Variants in IGF2R observed in about 807,000 individuals in gnomAD.
IGF2R encodes cation-independent mannose-6-phosphate receptor.
In IGF2R, 91 loss-of-function variants were observed where a neutral mutation model predicts 270.6. The observed-to-expected ratio is 0.34, with a 90% CI of 0.28 to 0.40. The LOEUF (loss-of-function observed/expected upper bound fraction) is 0.40. IGF2R is among the 10% of genes least tolerant of loss of function. The pLI is 1.00. For missense variants in IGF2R, 2,805 were observed against 3,188.3 expected, an observed-to-expected ratio of 0.88 and a Z score of 2.90; for synonymous variants, 1,316 against 1,258.9, an observed-to-expected ratio of 1.05 and a Z score of -0.96.
intron 1 of IGF2R, among the ~76,000 whole-genome samples, chr6:159,971,159 G>A (rs1197811485): frequency 6.6e-6 from 1 of 152,208 alleles, no homozygotes; most frequent in Non-Finnish European, 1.5e-5. Flanking sequence ...TTAACAAATT[G>A]AAGTTTGTTT....
intron 2 of IGF2R, chr6:160,006,212 C>CT (rs201252942): frequency 0.021 from 3,251 of 156,916 alleles, 68 homozygotes; most frequent in Non-Finnish European, 0.033. Context: ...CGCCTCCCCC[C>CT]TCGCGCCTCC....
At chr6:160,090,581 G>A (rs1255860663) in intron 44 of IGF2R, among the ~76,000 whole-genome samples, 1 of 152,210 alleles carries the variant, frequency 6.6e-6, no homozygotes, top group Non-Finnish European at 1.5e-5. Context: ...TGTGAAGGAA[G>A]GTTTTAAACT....
At chr6:159,988,808 C>T (rs1783931316) in intron 1 of IGF2R, among the ~76,000 whole-genome samples, 1 of 152,040 alleles carries the variant, frequency 6.6e-6, no homozygotes, top group African/African-American at 2.4e-5. Context: ...ATATACACTC[C>T]GAGAGGGCAG....
At chr6:160,058,816 C>T (rs1174500727) in intron 21 of IGF2R, 90 bp from the exon 22 acceptor site, 1 of 1,115,634 alleles carries the variant, frequency 9.0e-7, no homozygotes, top group Non-Finnish European at 1.3e-6. Context: ...AATGTTTAAC[C>T]TAGTGGGATT....
intron 1 of IGF2R, among the ~76,000 whole-genome samples, chr6:159,981,028 C>G (rs1257996472): frequency 6.6e-6 from 1 of 152,210 alleles, no homozygotes; most frequent in Admixed American, 6.5e-5. Context: ...CCAAGGATAG[C>G]AGAGAGGACC....
intron 45 of IGF2R, among the ~76,000 whole-genome samples, chr6:160,100,686 C>G (rs547928540): frequency 5.6e-4 from 69 of 122,136 alleles, no homozygotes; most frequent in African/African-American, 1.8e-3. Flanking sequence ...AAAACTTTAG[C>G]AAAAATTAAC....
rs62440100 is a variant in IGF2R at position 159,980,124 on chromosome 6, T to C, written c.149+10729T>C. On this transcript the variant is annotated intron_variant, in intron 1 of 47. Transcript: ENST00000356956. The stretch of plus-strand genomic sequence containing the variant: ...TGAACCCGGGAGGCGGAGCTTGCAG[T>C]GAGCTGAGATCGCACCGCTGCACTC... Among the ~76,000 whole-genome samples the C allele has an allele frequency of 1.9e-3, 287 of 150,900 alleles. 2 individuals are homozygous for C. Among genetic ancestry groups the C allele is most frequent in the Non-Finnish European group, 3.2e-3 (215 of 67,790 alleles).
intron 14 of IGF2R, among the ~76,000 whole-genome samples, chr6:160,046,176 A>C (rs1201607509): frequency 6.6e-6 from 1 of 152,142 alleles, no homozygotes; most frequent in Non-Finnish European, 1.5e-5. Flanking sequence ...TCTGAGGGAG[A>C]CCTTACAAGA....
chr6:160,005,533 C>T (rs1784207465), intron 2 of IGF2R: 1 of 152,280 alleles, frequency 6.6e-6, no homozygotes, highest in Non-Finnish European at 1.5e-5. Context: ...GGCCGTGCGG[C>T]TGGGTCACTC....
intron 1 of IGF2R, among the ~76,000 whole-genome samples, chr6:159,986,507 A>G (rs1783889949): frequency 6.7e-6 from 1 of 149,444 alleles, no homozygotes; most frequent in Non-Finnish European, 1.5e-5. Context: ...ACCTCAAGTG[A>G]TCCTCCCACC....
intron 2 of IGF2R, among the ~76,000 whole-genome samples, chr6:159,993,985 A>ATTGT (rs1784015548): frequency 3.3e-5 from 2 of 61,024 alleles, no homozygotes; most frequent in Non-Finnish European, 6.2e-5. Flanking sequence ...CTCCAACTTG[A>ATTGT]TTTTTTTTTT....
intron 4 of IGF2R, among the ~76,000 whole-genome samples, chr6:160,011,995 GT>G (rs1158185429): frequency 6.6e-6 from 1 of 152,040 alleles, no homozygotes; most frequent in Admixed American, 6.5e-5. Context: ...AAAAAGAAAT[GT>G]TTATTTAAAA....
rs1291163481 is a variant in IGF2R at position 160,102,156 on chromosome 6, TGTG to T, written c.6843-359_6843-357del. On this transcript the variant is annotated intron_variant, in intron 45 of 47. Transcript: ENST00000356956. This position sits in a 1 kb window ranked among gnomAD's most constrained non-coding sequence, Gnocchi z 4.5. The stretch of plus-strand genomic sequence containing the variant: ...AAAGAGCTCTGACCCTGGAGAGAAG[TGTG>T]GTGCTTCGGGACAGCCTCTGCCCCA... Among the ~76,000 whole-genome samples the T allele has an allele frequency of 2.0e-5, 3 of 152,194 alleles. No homozygotes were observed. Among genetic ancestry groups the T allele is most frequent in the Admixed American group, 6.5e-5 (1 of 15,290 alleles).
chr6:160,013,950 GA>G (rs574369203), intron 4 of IGF2R, among the ~76,000 whole-genome samples: 54 of 151,854 alleles, frequency 3.6e-4, no homozygotes, highest in African/African-American at 1.2e-3. Context: ...ATTCCCTAAA[GA>G]AAAAAAATCT....
chr6:159,973,875 A>G (rs975223506), intron 1 of IGF2R, among the ~76,000 whole-genome samples: 1 of 152,164 alleles, frequency 6.6e-6, no homozygotes, highest in Non-Finnish European at 1.5e-5. Context: ...TGTATTGGGG[A>G]AAGAACTGAG....
At chr6:160,063,755 A>G in intron 27 of IGF2R, 125 bp downstream of exon 27, 1 of 678,484 alleles carries the variant, frequency 1.5e-6, no homozygotes, top group Non-Finnish European at 2.5e-6. Context: ...AAAAAAAAAA[A>G]GCATATTAAT....
intron 1 of IGF2R, among the ~76,000 whole-genome samples, chr6:159,988,101 G>C (rs1022012519): frequency 6.6e-6 from 1 of 152,166 alleles, no homozygotes; most frequent in Non-Finnish European, 1.5e-5. Flanking sequence ...CTGATTTCCA[G>C]ATTATCAGGA....
At chr6:159,990,028 C>G (rs1783952073) in intron 1 of IGF2R, among the ~76,000 whole-genome samples, 1 of 152,220 alleles carries the variant, frequency 6.6e-6, no homozygotes, top group South Asian at 2.1e-4. Context: ...ATAGCTGACT[C>G]ATTGCACAGC....
rs1047984877 is a variant in IGF2R at position 160,104,788 on chromosome 6, A to C, written c.7180A>C (p.Lys2394Gln). 1.2e-6 allele frequency: 2 copies of C among 1,614,002 alleles called. No individual in the cohort carries two copies. The highest frequency in any genetic ancestry group is 1.7e-6 in the Non-Finnish European group (2 of 1,180,036). ...EGQENGHITTKSVKALSSLHG... is the reference protein window; with the variant it reads ...EGQENGHITTQSVKALSSLHG... ...GCAGGAGAACGGCCATATTACCACC[A>C]AGTCAGTGAAAGCCCTCAGCTCCCT... is the stretch of plus-strand genomic sequence containing the variant. The change falls in exon 48 of 48, where the codon AAG becomes CAG. Residue 2394 changes from lysine (K) to glutamine (Q), a missense_variant. Lys to Gln is a moderately conservative substitution (Grantham distance 53). Transcript: ENST00000356956.
Sources: gnomAD v4.1 joint callset for allele counts (sites outside exome capture counted in the v4.1 genomes callset) on GRCh38, gnomAD v4.1.1 for gene constraint, Gnocchi (gnomAD v3.1) non-coding constraint, MANE v1.5 for transcripts, NCBI Gene and HGNC (gene_info 2026-07-23, HGNC 2026-07-21) for gene names.